The following IMMP2L variants were observed in gnomAD, a reference collection of about 807,000 sequenced individuals.
IMMP2L encodes inner mitochondrial membrane peptidase subunit 2, also known as mitochondrial inner membrane protease subunit 2.
Under a neutral mutation model 19.3 loss-of-function variants are expected in IMMP2L, and 18 were observed. The ratio of observed to expected loss-of-function variants is 0.93; its 90% CI spans 0.64 to 1.38. IMMP2L has a LOEUF of 1.38. IMMP2L is among the 40% of genes most tolerant of loss of function. The probability of loss-of-function intolerance (pLI) is 0.00; values close to 1 mark genes in which losing one functional copy is unlikely to be tolerated. For missense variants in IMMP2L, 233 were observed against 218.2 expected (o/e 1.07, Z -0.43); for synonymous variants, 76 against 73.0 (o/e 1.04, Z -0.21).
intron 3 of IMMP2L, among the ~76,000 whole-genome samples, chr7:110,973,874 C>T (rs1820414115): frequency 6.6e-6 from 1 of 152,040 alleles, no homozygotes; most frequent in Non-Finnish European, 1.5e-5. Context: ...ACCATCATTC[C>T]ATTGCTCAAA....
intron 3 of IMMP2L, among the ~76,000 whole-genome samples, chr7:111,437,805 T>C (rs961502817): frequency 1.3e-5 from 2 of 151,870 alleles, no homozygotes; most frequent in Admixed American, 6.6e-5. Flanking sequence ...AGTCACTACA[T>C]ACAAATGTGT....
chr7:111,017,414 G>A (rs1825827471), intron 3 of IMMP2L, among the ~76,000 whole-genome samples: 1 of 151,990 alleles, frequency 6.6e-6, no homozygotes, highest in African/African-American at 2.4e-5. Flanking sequence ...AATGTCAAAA[G>A]TCTAGGATAA....
At chr7:111,197,424 C>G (rs1264606035) in intron 3 of IMMP2L, among the ~76,000 whole-genome samples, 1 of 152,024 alleles carries the variant, frequency 6.6e-6, no homozygotes, top group African/African-American at 2.4e-5. Context: ...GATCACGCCA[C>G]GGTGCTCCAG....
chr7:111,183,138 T>C (rs1475185901), intron 3 of IMMP2L, among the ~76,000 whole-genome samples: 1 of 152,118 alleles, frequency 6.6e-6, no homozygotes, highest in Non-Finnish European at 1.5e-5. Context: ...ATGTTCTGCT[T>C]AACCCCATGA....
In IMMP2L at chr7:110,793,723, G is replaced by C. The variant is rs150684715; in HGVS notation, c.408+92870C>G. ...ATACTGGAAATTTGCTGAGAGAGTA[G>C]ATTTTAGGTGTTCTCACCACATACA... On this transcript the variant is annotated intron_variant, in intron 5 of 5. Coordinates refer to ENST00000405709, the MANE Select transcript of IMMP2L (RefSeq NM_032549.4). Among the ~76,000 whole-genome samples the C allele has an allele frequency of 3.1e-3, 466 of 152,118 alleles. 1 individual carries two copies. The highest frequency in any genetic ancestry group is 0.011 in the African/African-American group (442 of 41,526).
At chr7:111,050,912 T>C (rs1792945777) in intron 3 of IMMP2L, among the ~76,000 whole-genome samples, 1 of 152,198 alleles carries the variant, frequency 6.6e-6, no homozygotes, top group South Asian at 2.1e-4. Flanking sequence ...TCTAGAAAAC[T>C]TCAGTGAAAG....
chr7:110,916,950 A>G (rs1342079606), intron 4 of IMMP2L, among the ~76,000 whole-genome samples: 1 of 152,164 alleles, frequency 6.6e-6, no homozygotes, highest in Admixed American at 6.6e-5. Context: ...AGATAAATCC[A>G]CATTCTAATC....
Position 111,123,347 on chromosome 7 carries a change from T to C in IMMP2L, c.240-159782A>G. 6.2e-7 allele frequency: 1 copy of C among 1,613,780 alleles called. No homozygotes were observed. The highest frequency in any genetic ancestry group is 8.5e-7 in the Non-Finnish European group (1 of 1,179,898). The stretch of plus-strand genomic sequence containing the variant: ...TTTGATGCTCTTCCAAATCTAGAGA[T>C]TCTGATGATTGGGGAAAATCCAATT... On this transcript the variant is annotated intron_variant, in intron 3 of 5. Coordinates refer to ENST00000405709, the MANE Select transcript of IMMP2L (RefSeq NM_032549.4). This position sits in a 1 kb window ranked among gnomAD's most constrained non-coding sequence, Gnocchi z 6.4.
intron 1 of IMMP2L, among the ~76,000 whole-genome samples, chr7:111,561,312 C>T (rs1489762503): frequency 1.3e-5 from 2 of 152,200 alleles, no homozygotes; most frequent in Non-Finnish European, 2.9e-5. Flanking sequence ...TCTCTCTCCC[C>T]TCAAAACATC....
intron 3 of IMMP2L, among the ~76,000 whole-genome samples, chr7:111,337,415 T>G (rs1457473280): frequency 6.6e-6 from 1 of 151,962 alleles, no homozygotes; most frequent in Non-Finnish European, 1.5e-5. Flanking sequence ...TTTTGCAGTA[T>G]CTAACTGAAG....
chr7:110,751,944 C>T (rs1797747420), intron 5 of IMMP2L, among the ~76,000 whole-genome samples: 1 of 151,934 alleles, frequency 6.6e-6, no homozygotes, highest in Non-Finnish European at 1.5e-5. Context: ...AAATTCTCAT[C>T]CCAATTGGCG....
At chr7:110,968,386 C>A (rs1819782238) in intron 3 of IMMP2L, among the ~76,000 whole-genome samples, 1 of 152,018 alleles carries the variant, frequency 6.6e-6, no homozygotes, top group African/African-American at 2.4e-5. Context: ...GAAAAGTCCA[C>A]TGGAGGCTGG....
At chr7:111,208,976 T>G (rs1390543508) in intron 3 of IMMP2L, among the ~76,000 whole-genome samples, 1 of 152,186 alleles carries the variant, frequency 6.6e-6, no homozygotes, top group African/African-American at 2.4e-5. Context: ...AATATCTTAC[T>G]CCCATGGGTG....
chr7:111,218,511 C>A (rs1425202582), intron 3 of IMMP2L, among the ~76,000 whole-genome samples: 1 of 151,810 alleles, frequency 6.6e-6, no homozygotes, highest in Non-Finnish European at 1.5e-5. Flanking sequence ...AAACCCCAGG[C>A]AACGTAAATA....
intron 3 of IMMP2L, among the ~76,000 whole-genome samples, chr7:111,263,085 C>A (rs545004838): frequency 1.3e-5 from 2 of 152,170 alleles, no homozygotes; most frequent in East Asian, 3.9e-4. Flanking sequence ...CCCTGTAAGA[C>A]ACTGTAAGGC....
intron 5 of IMMP2L, among the ~76,000 whole-genome samples, chr7:110,845,636 T>C (rs1238937326): frequency 6.6e-6 from 1 of 152,196 alleles, no homozygotes; most frequent in African/African-American, 2.4e-5. Flanking sequence ...CTCTTTATTA[T>C]AATTTTCCTT....
In IMMP2L at chr7:111,309,016, C is replaced by A. The variant is rs1823199030; in HGVS notation, c.239+178222G>T. ...TTTTGCTAAATTTAAACTAGTGCAT[C>A]ATTAACTTAACCACTGATTTGTAGA... On this transcript the variant is annotated intron_variant, in intron 3 of 5. Coordinates refer to ENST00000405709, the MANE Select transcript of IMMP2L (RefSeq NM_032549.4). Among the ~76,000 whole-genome samples the A allele has an allele frequency of 2.0e-5, 3 of 152,102 alleles. No homozygotes were observed. In the South Asian group the frequency reaches 6.2e-4, roughly 32 times the overall value.
At chr7:111,280,851 C>T (rs1819613772) in intron 3 of IMMP2L, among the ~76,000 whole-genome samples, 2 of 151,886 alleles carry the variant, frequency 1.3e-5, no homozygotes, top group South Asian at 2.1e-4. Context: ...AGGCAGATCA[C>T]GAGGTCAGGA....
intron 3 of IMMP2L, among the ~76,000 whole-genome samples, chr7:111,338,535 T>C (rs1826689777): frequency 6.6e-6 from 1 of 152,106 alleles, no homozygotes; most frequent in Admixed American, 6.6e-5. Flanking sequence ...CACTTAATAG[T>C]ACAAGTTTAT....
Sources: allele counts gnomAD v4.1 joint callset (sites outside exome capture counted in the v4.1 genomes callset), GRCh38; gene constraint gnomAD v4.1.1; non-coding constraint Gnocchi (gnomAD v3.1); transcripts MANE v1.5; gene names NCBI Gene and HGNC (gene_info 2026-07-23, HGNC 2026-07-21).